The following TRAPPC9 variants were observed in gnomAD, a reference collection of about 807,000 sequenced individuals.
The protein encoded by TRAPPC9 is trafficking protein particle complex subunit 9.
TRAPPC9 carries 83 observed loss-of-function variants against 124.0 expected under a neutral mutation model. That is an observed-to-expected ratio of 0.67 (90% CI 0.56 to 0.80). The LOEUF (loss-of-function observed/expected upper bound fraction) is 0.80. Ranked by LOEUF, TRAPPC9 falls within the 30% of genes least tolerant of loss-of-function variation. The pLI, the probability that TRAPPC9 is intolerant of heterozygous loss-of-function variation, is 0.00. For missense variants in TRAPPC9, 1,302 were observed against 1,508.3 expected (o/e 0.86, Z 2.27); for synonymous variants, 638 against 617.5 (o/e 1.03, Z -0.49).
intron 14 of TRAPPC9, among the ~76,000 whole-genome samples, chr8:140,282,591 C>T (rs1019238116): frequency 1.3e-5 from 2 of 151,914 alleles, no homozygotes; most frequent in East Asian, 3.9e-4. Context: ...TGAGACCATC[C>T]CAAATTCCAA....
rs140199260 is a variant in TRAPPC9, at chr8:140,232,802, C to A, written c.2432-11219G>T. Among the ~76,000 whole-genome samples, 11 of 152,256 alleles carry A rather than the reference C, an allele frequency of 7.2e-5. No homozygotes were observed. The East Asian group carries it at 1.9e-3, about 27-fold the overall frequency. Reference sequence around the variant, plus strand: ...CCACAGAAATAGCTCAATTAACATACGTTATTTTAGGATAAAAATCAGGGA... The same window carrying A: ...CCACAGAAATAGCTCAATTAACATAAGTTATTTTAGGATAAAAATCAGGGA... On this transcript the variant is annotated intron_variant, in intron 16 of 22. Coordinates refer to ENST00000438773, the MANE Select transcript of TRAPPC9 (RefSeq NM_001160372.4).
chr8:140,016,702 T>A (rs1459920718), intron 18 of TRAPPC9, among the ~76,000 whole-genome samples: 1 of 152,194 alleles, frequency 6.6e-6, no homozygotes, highest in Non-Finnish European at 1.5e-5. Flanking sequence ...GATGGGCATT[T>A]GGGGTTGTTT....
In TRAPPC9 at chr8:140,287,652, G is replaced by A. The variant is rs557827787; in HGVS notation, c.1937C>T (p.Thr646Met). The change falls in exon 13 of 23, where the codon ACG becomes ATG. Residue 646 changes from threonine to methionine, a missense_variant. Thr to Met is a moderately conservative substitution (Grantham distance 81). Transcript: ENST00000438773. ...LPAESGLYPV[T>M]LVGVPQTTGT... ...AGTCGTCTGCGGGACCCCGACGAGC[G>A]TCACTGGGTACAGACCAGATTCAGC... 11 of 1,614,064 alleles carry A rather than the reference G, an allele frequency of 6.8e-6. No homozygotes were observed. The highest frequency in any genetic ancestry group is 2.7e-5 in the African/African-American group (2 of 74,936).
At chr8:139,846,348 A>C (rs1827083391) in intron 21 of TRAPPC9, among the ~76,000 whole-genome samples, 2 of 152,170 alleles carry the variant, frequency 1.3e-5, no homozygotes, top group African/African-American at 4.8e-5. Context: ...GATCAGGATA[A>C]CACTTGTCTG....
chr8:139,756,995 A>G (rs572001759), intron 21 of TRAPPC9, among the ~76,000 whole-genome samples: 2,022 of 121,792 alleles, frequency 0.017, 76 homozygotes, highest in African/African-American at 0.067. Flanking sequence ...TGAGGACAGC[A>G]TGTCGCAGGA....
At chr8:139,756,948 A>T (rs1819863184) in intron 21 of TRAPPC9, among the ~76,000 whole-genome samples, 1 of 134,172 alleles carries the variant, frequency 7.5e-6, no homozygotes, top group Non-Finnish European at 1.6e-5. Context: ...TTGGGGTATA[A>T]GGACAGCAGG....
chr8:140,247,082 T>C (rs566744722), intron 16 of TRAPPC9, among the ~76,000 whole-genome samples: 125 of 152,260 alleles, frequency 8.2e-4, no homozygotes, highest in Non-Finnish European at 1.5e-3. Flanking sequence ...CATGACATAC[T>C]ATCTTCTCCC....
At chr8:140,451,905 G>A (rs1199490522) in intron 1 of TRAPPC9, among the ~76,000 whole-genome samples, 3 of 152,134 alleles carry the variant, frequency 2.0e-5, no homozygotes, top group Non-Finnish European at 4.4e-5. Flanking sequence ...CGGATCACTT[G>A]AGGTCAGGAA....
intron 16 of TRAPPC9, among the ~76,000 whole-genome samples, chr8:140,236,098 T>TC (rs2063724107): frequency 6.8e-6 from 1 of 146,118 alleles, no homozygotes; most frequent in East Asian, 2.3e-4. Flanking sequence ...TTTTTTTTTT[T>TC]TTGAGACAGA....
intron 7 of TRAPPC9, among the ~76,000 whole-genome samples, chr8:140,380,419 C>T (rs914126873): frequency 2.6e-5 from 4 of 151,874 alleles, no homozygotes; most frequent in Non-Finnish European, 2.9e-5. Context: ...TTTGGGAGGC[C>T]GGGGTGGGTG....
At chr8:139,935,562 T>C (rs1486998404) in intron 19 of TRAPPC9, among the ~76,000 whole-genome samples, 2 of 152,116 alleles carry the variant, frequency 1.3e-5, no homozygotes, top group African/African-American at 4.8e-5. Context: ...AAGAGGATGG[T>C]ATCTAGCTTC....
At chr8:139,921,078 C>T (rs903323797) in intron 19 of TRAPPC9, among the ~76,000 whole-genome samples, 1 of 152,246 alleles carries the variant, frequency 6.6e-6, no homozygotes, top group African/African-American at 2.4e-5. Flanking sequence ...CCCCATCACA[C>T]TCATGTAATT....
chr8:140,019,542 C>CTTTTTTTTTTTTTTT lies in TRAPPC9; in HGVS notation c.2699+4380_2699+4394dup, dbSNP rs71320340. Among the ~76,000 whole-genome samples, 3 of 43,838 alleles carry CTTTTTTTTTTTTTTT rather than the reference C, an allele frequency of 6.8e-5. 1 individual carries two copies. The highest frequency in any genetic ancestry group is 2.8e-4 in the African/African-American group (3 of 10,852). 28.8% of individuals were successfully genotyped at this position (43,838 alleles called of 152,430 possible). On this transcript the variant is annotated intron_variant, in intron 18 of 22. Coordinates refer to ENST00000438773, the MANE Select transcript of TRAPPC9 (RefSeq NM_001160372.4). ...CTGTGTCAATTTTAGTAATTTGTGTCTTTTTTTTTTTTTTTTTTTTTTTTT... is the reference window on the plus strand; with the variant it reads ...CTGTGTCAATTTTAGTAATTTGTGTCTTTTTTTTTTTTTTTTTTTTTTTTTTTTTTTTTTTTTTTT...
At chr8:139,827,774 A>C (rs1586932330) in intron 21 of TRAPPC9, among the ~76,000 whole-genome samples, 1 of 152,156 alleles carries the variant, frequency 6.6e-6, no homozygotes, top group Non-Finnish European at 1.5e-5. Flanking sequence ...TTTACAAAGG[A>C]AAGAGGCTTC....
intron 19 of TRAPPC9, among the ~76,000 whole-genome samples, chr8:139,935,126 C>G (rs778862109): frequency 6.6e-6 from 1 of 152,190 alleles, no homozygotes; most frequent in Non-Finnish European, 1.5e-5. Flanking sequence ...GACAAGACAT[C>G]ACCGTGCGAG....
intron 9 of TRAPPC9, among the ~76,000 whole-genome samples, chr8:140,313,930 A>G (rs917074855): frequency 2.0e-5 from 3 of 152,136 alleles, no homozygotes; most frequent in Non-Finnish European, 4.4e-5. Context: ...CTTATGCCCA[A>G]TTGTCAGCAT....
intron 19 of TRAPPC9, chr8:139,933,592 T>C (rs1274442018): frequency 6.6e-6 from 1 of 152,314 alleles, no homozygotes; most frequent in African/African-American, 2.4e-5. Context: ...TGCCCAGATC[T>C]CTGCACCGCG....
At chr8:140,149,688 T>C (rs2061514057) in intron 17 of TRAPPC9, among the ~76,000 whole-genome samples, 1 of 151,970 alleles carries the variant, frequency 6.6e-6, no homozygotes, top group Admixed American at 6.6e-5. Context: ...ATTTGTGAAA[T>C]GAGGATAAAA....
At chr8:140,161,956 C>T (rs1182285249) in intron 17 of TRAPPC9, among the ~76,000 whole-genome samples, 1 of 152,146 alleles carries the variant, frequency 6.6e-6, no homozygotes, top group Non-Finnish European at 1.5e-5. Context: ...CGCAGCCAAG[C>T]CCGAGTGTCC....
Sources: gnomAD v4.1 joint callset for allele counts (sites outside exome capture counted in the v4.1 genomes callset) on GRCh38, gnomAD v4.1.1 for gene constraint, MANE v1.5 for transcripts, NCBI Gene and HGNC (gene_info 2026-07-23, HGNC 2026-07-21) for gene names.